Variants in WWC1 observed in about 807,000 individuals in gnomAD.
WWC1 encodes the protein protein KIBRA.
WWC1 carries 55 observed loss-of-function variants against 138.4 expected under a neutral mutation model. The observed-to-expected ratio is 0.40, with a 90% CI of 0.32 to 0.50. The LOEUF (loss-of-function observed/expected upper bound fraction) is 0.50. WWC1 is among the 20% of genes least tolerant of loss of function. The pLI is 0.72. For synonymous variants in WWC1, 524 were observed against 564.9 expected (o/e 0.93, Z 1.03); for missense variants, 1,226 against 1,420.4 (o/e 0.86, Z 2.20).
intron 5 of WWC1, among the ~76,000 whole-genome samples, chr5:168,403,055 TTTC>T (rs1252491067): frequency 8.7e-5 from 12 of 137,246 alleles, no homozygotes; most frequent in East Asian, 4.0e-4. Context: ...TCTTTCTTTC[TTTC>T]TTTCTTTCTT....
intron 1 of WWC1, among the ~76,000 whole-genome samples, chr5:168,343,480 C>T (rs1370800010): frequency 1.3e-5 from 2 of 152,200 alleles, no homozygotes; most frequent in Admixed American, 1.3e-4. Flanking sequence ...CACCATGCTG[C>T]TTGTCAGCAG....
chr5:168,315,724 C>T (rs1180871695), intron 1 of WWC1, among the ~76,000 whole-genome samples: 1 of 152,100 alleles, frequency 6.6e-6, no homozygotes, highest in Non-Finnish European at 1.5e-5. Flanking sequence ...TGCTGAGCGG[C>T]AACGGAAGGG....
At chr5:168,454,491 T>C (rs1756121484) in intron 18 of WWC1, among the ~76,000 whole-genome samples, 1 of 152,218 alleles carries the variant, frequency 6.6e-6, no homozygotes, top group African/African-American at 2.4e-5. Flanking sequence ...TCTAAAAATA[T>C]ATTTCTTTAT....
chr5:168,433,411 C>T (rs1183479944), intron 15 of WWC1, among the ~76,000 whole-genome samples: 1 of 152,138 alleles, frequency 6.6e-6, no homozygotes, highest in Admixed American at 6.5e-5. Flanking sequence ...TATCGGTTCC[C>T]ATCTCTCCTT....
chr5:168,353,691 T>TA (rs1483768903), intron 1 of WWC1, among the ~76,000 whole-genome samples: 1 of 152,236 alleles, frequency 6.6e-6, no homozygotes, highest in African/African-American at 2.4e-5. Flanking sequence ...CTTGAAGCCT[T>TA]AGTGTCCTCC....
At chr5:168,392,308 G>A (rs1778568496) in intron 3 of WWC1, among the ~76,000 whole-genome samples, 1 of 152,106 alleles carries the variant, frequency 6.6e-6, no homozygotes, top group Non-Finnish European at 1.5e-5. Flanking sequence ...AACTCTACTG[G>A]AAATCTGACC....
Position 168,422,009 on chromosome 5 carries a change from T to C in WWC1, c.1186T>C (p.Leu396=). 6.2e-7 allele frequency: 1 copy of C among 1,610,304 alleles called. No individual in the cohort carries two copies. The highest frequency in any genetic ancestry group is 1.3e-5 in the African/African-American group (1 of 74,942). The part of the protein sequence containing the change: ...DTQSKALTER[L]KLNSKRNQLV... ...CTCGCATGCTTTCTCTCCTTCCAGG[T>C]TAAAGTTAAACAGTAAGAGGAACCA... The change falls in exon 10 of 23, where the codon TTA becomes CTA. Residue 396 remains leucine, a splice_region_variant and synonymous_variant. Coordinates refer to ENST00000265293, the MANE Select transcript of WWC1 (RefSeq NM_015238.3).
chr5:168,374,175 G>A (rs999724278), intron 2 of WWC1, among the ~76,000 whole-genome samples: 12 of 152,054 alleles, frequency 7.9e-5, no homozygotes, highest in Non-Finnish European at 1.8e-4. Context: ...GGGAGCTTGC[G>A]ATACATGGGA....
At chr5:168,421,921 G>A in intron 9 of WWC1, 87 bp from the exon 10 acceptor site, 1 of 1,123,274 alleles carries the variant, frequency 8.9e-7, no homozygotes, top group African/African-American at 1.5e-5. Flanking sequence ...GAAAGTTCTT[G>A]TGCCTGTGGG....
intron 15 of WWC1, among the ~76,000 whole-genome samples, chr5:168,440,513 GTTTTGTT>G (rs1554113172): frequency 7.1e-6 from 1 of 141,570 alleles, no homozygotes; most frequent in African/African-American, 2.8e-5. Flanking sequence ...TGTTGTTGTT[GTTTTGTT>G]TTGTTTTGTT....
intron 8 of WWC1, chr5:168,412,109 C>T: frequency 2.0e-6 from 2 of 985,430 alleles, no homozygotes; most frequent in Non-Finnish European, 2.4e-6. Context: ...TTCCATCCTG[C>T]AGGAATGCCT....
chr5:168,349,780 G>A (rs1267018355), intron 1 of WWC1, among the ~76,000 whole-genome samples: 1 of 152,120 alleles, frequency 6.6e-6, no homozygotes, highest in Non-Finnish European at 1.5e-5. Context: ...CTGGGCGGGA[G>A]GCTCACAGCC....
Position 168,292,055 on chromosome 5 carries a change from C to G in WWC1, c.-98C>G. On this transcript the variant is annotated 5_prime_UTR_variant, in exon 1 of 23. Coordinates refer to ENST00000265293, the MANE Select transcript of WWC1 (RefSeq NM_015238.3). The surrounding 1 kb of genome is among the most constrained non-coding windows in gnomAD (Gnocchi z 4.4). ...GGGCGCCACCCCCCGGATCATGGTG[C>G]CTCGGCGGCCGCCCGGGCTAAGAGC... The G allele has an allele frequency of 7.3e-7, 1 of 1,363,136 alleles. No homozygotes were observed. The highest frequency in any genetic ancestry group is 9.4e-7 in the Non-Finnish European group (1 of 1,058,256). The allele number at this position is 1,363,136 out of a possible 1,614,324, so 84.4% of individuals were successfully genotyped here. A position where few individuals can be genotyped will look rare whatever the true frequency, so the allele number is the denominator to read the frequency against.
rs115161740 is a variant in WWC1 at position 168,456,297 on chromosome 5, C to G, written c.2823+777C>G. ...CCAGCCTGGGCAACAGAGTAAGACC[C>G]TATCTTAAAAAAAAAATTATTTTTA... On this transcript the variant is annotated intron_variant, in intron 19 of 22. Coordinates refer to ENST00000265293, the MANE Select transcript of WWC1 (RefSeq NM_015238.3). 3.4e-3 allele frequency among the ~76,000 whole-genome samples: 501 copies of G among 147,816 alleles called. 1 individual carries two copies. Among genetic ancestry groups the G allele is most frequent in the African/African-American group, 0.012 (472 of 38,920 alleles).
chr5:168,328,926 T>G (rs1025728205), intron 1 of WWC1, among the ~76,000 whole-genome samples: 1 of 152,158 alleles, frequency 6.6e-6, no homozygotes, highest in Non-Finnish European at 1.5e-5. Context: ...TGTTATTCCC[T>G]CAGTCAGCAC....
At chr5:168,315,402 C>G (rs1015637790) in intron 1 of WWC1, among the ~76,000 whole-genome samples, 2 of 151,872 alleles carry the variant, frequency 1.3e-5, no homozygotes, top group Admixed American at 6.6e-5. Context: ...TCTCTTTGCC[C>G]CTTTGCTTGA....
intron 12 of WWC1, among the ~76,000 whole-genome samples, chr5:168,428,396 C>T (rs1046859694): frequency 1.3e-4 from 19 of 151,982 alleles, no homozygotes; most frequent in African/African-American, 4.4e-4. Flanking sequence ...GGCTAAGGAG[C>T]AAGCACTAGA....
In WWC1 at chr5:168,364,068, C is replaced by G. The variant is rs77154601; in HGVS notation, c.120-7356C>G. On this transcript the variant is annotated intron_variant, in intron 1 of 22. Transcript: ENST00000265293. ...TCAAGGGCTTGTCTTGTGCCAGTCC[C>G]GGCACTAGATACTGTATAGGTTATC... 6.2e-3 allele frequency among the ~76,000 whole-genome samples: 939 copies of G among 152,168 alleles called. 15 individuals are homozygous for G. Among genetic ancestry groups the G allele is most frequent in the African/African-American group, 0.021 (887 of 41,494 alleles).
At chr5:168,348,368 T>C (rs1217526910) in intron 1 of WWC1, among the ~76,000 whole-genome samples, 5 of 152,208 alleles carry the variant, frequency 3.3e-5, no homozygotes, top group Non-Finnish European at 7.3e-5. Context: ...CTCAGGATGT[T>C]TGCAGGCTTT....
Sources: gnomAD v4.1 joint callset for allele counts (sites outside exome capture counted in the v4.1 genomes callset) on GRCh38, gnomAD v4.1.1 for gene constraint, Gnocchi (gnomAD v3.1) non-coding constraint, MANE v1.5 for transcripts, NCBI Gene and HGNC (gene_info 2026-07-23, HGNC 2026-07-21) for gene names.